DIPK1A: variants seen among roughly 807,000 people sequenced by gnomAD.
DIPK1A encodes family with sequence similarity 69 member A.
A neutral mutation model predicts 40.8 loss-of-function variants in DIPK1A; 27 were observed. That is an observed-to-expected ratio of 0.66 (90% CI 0.49 to 0.91). The LOEUF is 0.91. Ranked by LOEUF, DIPK1A falls within the 40% of genes least tolerant of loss-of-function variation. The pLI, the probability that DIPK1A is intolerant of heterozygous loss-of-function variation, is 0.00. For missense variants in DIPK1A, 412 were observed against 505.7 expected, an observed-to-expected ratio of 0.81 and a Z score of 1.78; for synonymous variants, 166 against 171.3, an observed-to-expected ratio of 0.97 and a Z score of 0.24.
At position 92,850,848 on chromosome 1, in the gene DIPK1A, C is replaced by A; in HGVS notation, c.297G>T (p.Gln99His). 1 of 1,543,818 alleles carries A rather than the reference C, an allele frequency of 6.5e-7. No homozygotes were observed. Among genetic ancestry groups the A allele is most frequent in the Non-Finnish European group, 8.8e-7 (1 of 1,137,504 alleles). Residue 99 changes from glutamine to histidine, a missense_variant and splice_region_variant, in exon 3 of 5, where the codon CAG (glutamine) becomes CAT (histidine). Transcript: ENST00000370310. ...GAATGTTTATTCATAATGGCCATAC[C>A]TGATTGTTGGGCTTGGTGGATAAAC... is the stretch of plus-strand genomic sequence containing the variant. ...GKCLSTKPNN[Q>H]MYLGIWDNLP...
At chr1:92,899,117 T>C (rs1424050493) in intron 1 of DIPK1A, among the ~76,000 whole-genome samples, 1 of 152,194 alleles carries the variant, frequency 6.6e-6, no homozygotes. Context: ...GTCTAGATGA[T>C]CTATCCAAAT....
At chr1:92,949,600 TA>T (rs1413357726) in intron 1 of DIPK1A, among the ~76,000 whole-genome samples, 2 of 152,134 alleles carry the variant, frequency 1.3e-5, no homozygotes, top group Non-Finnish European at 1.5e-5. Context: ...GTACTCAAAT[TA>T]AGAATCTTAT....
At position 92,961,404 on chromosome 1, in the gene DIPK1A, G is replaced by A. The variant is rs1652086850; in HGVS notation, c.26C>T (p.Ala9Val). Residue 9 changes from alanine to valine, a missense_variant, in exon 1 of 5, where the codon GCC becomes GTC. By Grantham distance (64) the Ala-to-Val change is moderately conservative. Coordinates refer to ENST00000370310, the MANE Select transcript of DIPK1A (RefSeq NM_001006605.5). MARSLCPG[A>V]WLRKPYYLQA... Reference sequence around the variant, plus strand: ...GAGGTAATAGGGTTTCCTTAGCCAGGCCCCCGGACAGAGACTCCTCGCCAT... The same window carrying A: ...GAGGTAATAGGGTTTCCTTAGCCAGACCCCCGGACAGAGACTCCTCGCCAT... 1.3e-6 allele frequency: 2 copies of A among 1,531,242 alleles called. No individual in the cohort carries two copies. The highest frequency in any genetic ancestry group is 1.9e-5 in the Admixed American group (1 of 53,406). 94.9% of individuals were successfully genotyped at this position (1,531,242 alleles called of 1,614,324 possible). A position where few individuals can be genotyped will look rare whatever the true frequency, so the allele number is the denominator to read the frequency against.
intron 2 of DIPK1A, among the ~76,000 whole-genome samples, chr1:92,851,181 C>A (rs1687806144): frequency 6.6e-6 from 1 of 152,090 alleles, no homozygotes; most frequent in African/African-American, 2.4e-5. Flanking sequence ...ATTTTTCCCA[C>A]ATGACATGGT....
At chr1:92,919,196 A>C (rs1165435775) in intron 1 of DIPK1A, among the ~76,000 whole-genome samples, 5 of 152,228 alleles carry the variant, frequency 3.3e-5, no homozygotes, top group Non-Finnish European at 7.3e-5. Context: ...CTTTGTATAA[A>C]GCAATACACG....
intron 1 of DIPK1A, among the ~76,000 whole-genome samples, chr1:92,891,247 T>G (rs1414216088): frequency 1.3e-5 from 2 of 152,068 alleles, no homozygotes; most frequent in African/African-American, 4.8e-5. Context: ...TTACCAATTT[T>G]GTTTGTCTTT....
downstream of DIPK1A, among the ~76,000 whole-genome samples, chr1:92,838,340 T>C (rs1687205365): frequency 2.0e-5 from 3 of 152,250 alleles, no homozygotes; most frequent in South Asian, 6.2e-4. Flanking sequence ...TTTACTGCGT[T>C]ATATTTCTTT....
intron 1 of DIPK1A, among the ~76,000 whole-genome samples, chr1:92,937,351 T>C (rs1378679321): frequency 2.0e-5 from 3 of 152,206 alleles, no homozygotes; most frequent in Non-Finnish European, 4.4e-5. Context: ...GCACATTAAC[T>C]GGTGACTAAC....
At chr1:92,932,183 G>A (rs1650777062) in intron 1 of DIPK1A, 1 of 181,492 alleles carries the variant, frequency 5.5e-6, no homozygotes, top group African/African-American at 2.4e-5. Context: ...GCTCATGCCT[G>A]TAATCCCAGC....
At chr1:92,954,307 A>AAT (rs1651754209) in intron 1 of DIPK1A, among the ~76,000 whole-genome samples, 1 of 147,706 alleles carries the variant, frequency 6.8e-6, no homozygotes, top group Non-Finnish European at 1.5e-5. Context: ...CACAAAAAAA[A>AAT]AAATAAATAA....
At chr1:92,846,764 G>A (rs1159470887) in intron 4 of DIPK1A, among the ~76,000 whole-genome samples, 41 of 99,012 alleles carry the variant, frequency 4.1e-4, no homozygotes, top group African/African-American at 1.6e-3. Flanking sequence ...AAGTAGTTAG[G>A]ACTACAGGCA....
chr1:92,841,737 T>TA (rs1233891263), downstream of DIPK1A: 1 of 1,480,786 alleles, frequency 6.8e-7, no homozygotes, highest in East Asian at 2.3e-5. Context: ...AGTTATAGTT[T>TA]AAAAAATATA....
rs1274395997 is a variant in DIPK1A, at chr1:92,912,029, AAAG to A, written c.55-35602_55-35600del. On this transcript the variant is annotated intron_variant, in intron 1 of 4. Coordinates refer to ENST00000370310, the MANE Select transcript of DIPK1A (RefSeq NM_001006605.5). ...AAAAAAAAAAAAAAAAAAAAAAAAA[AAAG>A]GGTACGTTTAGTTTTTAAAGAAACT... Among the ~76,000 whole-genome samples, 906 of 147,752 alleles carry A rather than the reference AAAG, an allele frequency of 6.1e-3. 20 individuals are homozygous for A. Among genetic ancestry groups the A allele is most frequent in the African/African-American group, 0.019 (739 of 38,210 alleles).
intron 1 of DIPK1A, among the ~76,000 whole-genome samples, chr1:92,899,943 A>T (rs1649339032): frequency 1.3e-5 from 2 of 151,574 alleles, no homozygotes; most frequent in Non-Finnish European, 2.9e-5. Flanking sequence ...TTCTTTCAGC[A>T]CATCCCATTC....
At chr1:92,840,248 T>G (rs1044065113), downstream of DIPK1A, 1 of 351,938 alleles carries the variant, frequency 2.8e-6, no homozygotes. Flanking sequence ...TGGGCTGAAG[T>G]GATCCTCCCA....
intron 4 of DIPK1A, among the ~76,000 whole-genome samples, chr1:92,846,769 C>T (rs1687613962): frequency 9.6e-6 from 1 of 104,408 alleles, no homozygotes; most frequent in African/African-American, 3.7e-5. Flanking sequence ...GTTAGGACTA[C>T]AGGCACATGC....
At chr1:92,838,903 T>G (rs1290125422), downstream of DIPK1A, among the ~76,000 whole-genome samples, 1 of 152,250 alleles carries the variant, frequency 6.6e-6, no homozygotes, top group African/African-American at 2.4e-5. Flanking sequence ...ATTATTTTCC[T>G]TTAATAATCT....
intron 1 of DIPK1A, among the ~76,000 whole-genome samples, chr1:92,908,273 G>A (rs933053331): frequency 8.6e-5 from 13 of 152,024 alleles, no homozygotes; most frequent in African/African-American, 2.9e-4. Flanking sequence ...GTCATCACCT[G>A]AGGAAAAAAA....
intron 1 of DIPK1A, among the ~76,000 whole-genome samples, chr1:92,938,828 A>C (rs1239440311): frequency 2.0e-5 from 3 of 152,262 alleles, no homozygotes; most frequent in Non-Finnish European, 4.4e-5. Flanking sequence ...GACACAAGTC[A>C]AATCATATAC....
Sources: gnomAD v4.1 joint callset for allele counts (sites outside exome capture counted in the v4.1 genomes callset) on GRCh38, gnomAD v4.1.1 for gene constraint, MANE v1.5 for transcripts, NCBI Gene and HGNC (gene_info 2026-07-23, HGNC 2026-07-21) for gene names.